The following ZBTB20 variants were observed in gnomAD, a reference collection of about 807,000 sequenced individuals.
The protein encoded by ZBTB20 is zinc finger and BTB domain-containing protein 20.
Under a neutral mutation model 56.9 loss-of-function variants are expected in ZBTB20, and 9 were observed. The observed-to-expected ratio is 0.16, with a 90% CI of 0.10 to 0.28. The LOEUF (loss-of-function observed/expected upper bound fraction) is 0.28, where lower values mean the gene tolerates loss of function less well. ZBTB20 is among the 10% of genes least tolerant of loss of function. The pLI, the probability that ZBTB20 is intolerant of heterozygous loss-of-function variation, is 1.00. For missense variants in ZBTB20, 655 were observed against 1,003.0 expected (o/e 0.65, Z 4.69); for synonymous variants, 417 against 420.7 (o/e 0.99, Z 0.11).
intron 1 of ZBTB20, among the ~76,000 whole-genome samples, chr3:115,125,154 C>G (rs2084290667): frequency 6.6e-6 from 1 of 151,814 alleles, no homozygotes; most frequent in Non-Finnish European, 1.5e-5. Context: ...CCAGCGTGGG[C>G]AACACAGTAA....
At chr3:114,609,541 C>T (rs2057400339) in intron 6 of ZBTB20, among the ~76,000 whole-genome samples, 1 of 152,110 alleles carries the variant, frequency 6.6e-6, no homozygotes, top group African/African-American at 2.4e-5. Flanking sequence ...GGGAAAAAAA[C>T]TCTTTTTCCT....
At chr3:115,074,582 C>T (rs925332818) in intron 1 of ZBTB20, among the ~76,000 whole-genome samples, 3 of 152,172 alleles carry the variant, frequency 2.0e-5, no homozygotes, top group Non-Finnish European at 2.9e-5. Context: ...ATAGCATACA[C>T]CTCCTGCCTT....
chr3:115,138,706 C>A (rs1359956301), intron 1 of ZBTB20, among the ~76,000 whole-genome samples: 1 of 151,976 alleles, frequency 6.6e-6, no homozygotes, highest in Non-Finnish European at 1.5e-5. Flanking sequence ...ACCTGTCTCA[C>A]GGGATTGTGG....
At chr3:115,130,541 C>A (rs1351496386) in intron 1 of ZBTB20, among the ~76,000 whole-genome samples, 1 of 152,158 alleles carries the variant, frequency 6.6e-6, no homozygotes, top group Non-Finnish European at 1.5e-5. Flanking sequence ...TAATCACAAA[C>A]TACAAATCAT....
chr3:114,633,500 T>C (rs1311882825), intron 6 of ZBTB20, among the ~76,000 whole-genome samples: 1 of 152,306 alleles, frequency 6.6e-6, no homozygotes, highest in East Asian at 1.9e-4. Flanking sequence ...TGAAAGATGA[T>C]TTAGGAATCA....
intron 6 of ZBTB20, among the ~76,000 whole-genome samples, chr3:114,634,402 G>C (rs1309167410): frequency 1.3e-5 from 2 of 152,132 alleles, no homozygotes; most frequent in African/African-American, 4.8e-5. Context: ...CCATAGGCAT[G>C]TTAGAAATGC....
intron 6 of ZBTB20, among the ~76,000 whole-genome samples, chr3:114,577,844 A>G (rs929568683): frequency 3.3e-5 from 5 of 152,222 alleles, no homozygotes; most frequent in African/African-American, 1.2e-4. Context: ...CTGGATTGGG[A>G]CTGAGAAGAT....
At chr3:114,958,573 C>T (rs972687053) in intron 3 of ZBTB20, among the ~76,000 whole-genome samples, 4 of 152,052 alleles carry the variant, frequency 2.6e-5, no homozygotes, top group South Asian at 2.1e-4. Flanking sequence ...TTGGGCTGGG[C>T]GCAGTGGCTG....
chr3:114,837,572 G>T (rs1027641505), intron 4 of ZBTB20, among the ~76,000 whole-genome samples: 1 of 152,078 alleles, frequency 6.6e-6, no homozygotes, highest in Non-Finnish European at 1.5e-5. Context: ...ACATGTGAAG[G>T]TCTTCACACA....
At chr3:114,634,024 T>C (rs1253750866) in intron 6 of ZBTB20, among the ~76,000 whole-genome samples, 3 of 152,206 alleles carry the variant, frequency 2.0e-5, no homozygotes, top group East Asian at 1.9e-4. Flanking sequence ...TTCTACCTCA[T>C]TGATTTACAT....
At chr3:114,524,611 T>C (rs1387120576) in intron 6 of ZBTB20, among the ~76,000 whole-genome samples, 1 of 152,176 alleles carries the variant, frequency 6.6e-6, no homozygotes, top group East Asian at 1.9e-4. Flanking sequence ...TTCCAGCTTA[T>C]ATACTGGCAT....
chr3:115,120,616 A>T (rs2084158908), intron 1 of ZBTB20, among the ~76,000 whole-genome samples: 1 of 152,114 alleles, frequency 6.6e-6, no homozygotes, highest in South Asian at 2.1e-4. Flanking sequence ...GTAAATTTCT[A>T]AAAATGATAC....
At chr3:114,424,676 C>T (rs2089490199) in intron 7 of ZBTB20, among the ~76,000 whole-genome samples, 1 of 152,184 alleles carries the variant, frequency 6.6e-6, no homozygotes, top group African/African-American at 2.4e-5. Flanking sequence ...ACCTCCATCC[C>T]CTGCACGATC....
At chr3:114,879,681 C>T (rs567653901) in intron 4 of ZBTB20, among the ~76,000 whole-genome samples, 19 of 152,258 alleles carry the variant, frequency 1.2e-4, no homozygotes, top group Middle Eastern at 6.8e-3. Context: ...CTTATTTATA[C>T]GGATTTGAGG....
At chr3:114,355,693 T>C (rs1320996210) in intron 10 of ZBTB20, among the ~76,000 whole-genome samples, 1 of 152,202 alleles carries the variant, frequency 6.6e-6, no homozygotes, top group Non-Finnish European at 1.5e-5. Context: ...TGAAATACTC[T>C]ACTGTAGAAG....
At chr3:114,855,020 C>T (rs2075180485) in intron 4 of ZBTB20, among the ~76,000 whole-genome samples, 1 of 152,130 alleles carries the variant, frequency 6.6e-6, no homozygotes, top group African/African-American at 2.4e-5. Context: ...TTATCCTAAT[C>T]TTAAATCTTT....
chr3:114,506,423 G>C (rs1317693614), intron 6 of ZBTB20, among the ~76,000 whole-genome samples: 1 of 152,060 alleles, frequency 6.6e-6, no homozygotes, highest in Non-Finnish European at 1.5e-5. Flanking sequence ...TGATTCTTAC[G>C]GGGATAGGGT....
intron 7 of ZBTB20, among the ~76,000 whole-genome samples, chr3:114,472,653 A>G (rs1429258907): frequency 6.6e-6 from 1 of 151,932 alleles, no homozygotes; most frequent in Non-Finnish European, 1.5e-5. Context: ...GGTTGCAGTG[A>G]GCCGAGATTG....
rs187526930 is a variant in ZBTB20, at chr3:114,332,954, G to T, written c.*6051C>A. ...TAGTTCTGAAAAAGAACCCACACTA[G>T]GTAGCCCTAATTTTCTATCTCTTCA... On this transcript the variant is annotated 3_prime_UTR_variant, in exon 12 of 12. Transcript: ENST00000675478. The T allele has an allele frequency of 6.6e-6, 1 of 152,240 alleles. No homozygotes were observed. Among genetic ancestry groups the T allele is most frequent in the Non-Finnish European group, 1.5e-5 (1 of 68,016 alleles). 9.4% of individuals were successfully genotyped at this position (152,240 alleles called of 1,614,324 possible).
Sources: allele counts gnomAD v4.1 joint callset (sites outside exome capture counted in the v4.1 genomes callset), GRCh38; gene constraint gnomAD v4.1.1; transcripts MANE v1.5; gene names NCBI Gene and HGNC (gene_info 2026-07-23, HGNC 2026-07-21).